Variants in STX3 observed in about 807,000 individuals in gnomAD.
The protein encoded by STX3 is syntaxin-3.
STX3 carries 19 observed loss-of-function variants against 40.2 expected under a neutral mutation model. The observed-to-expected ratio is 0.47, with a 90% CI of 0.33 to 0.69. The LOEUF (loss-of-function observed/expected upper bound fraction) is 0.69, where lower values mean the gene tolerates loss of function less well. Among genes scored for constraint, STX3 ranks in the 30% least tolerant of loss-of-function variants. The probability of loss-of-function intolerance (pLI) is 0.02; values close to 1 mark genes in which losing one functional copy is unlikely to be tolerated. For missense variants in STX3, 364 were observed against 366.7 expected, an observed-to-expected ratio of 0.99 and a Z score of 0.06; for synonymous variants, 122 against 132.2, an observed-to-expected ratio of 0.92 and a Z score of 0.53.
rs766704801 is a variant in STX3, at chr11:59,788,933, G to A, written c.275G>A (p.Arg92Gln). The A allele has an allele frequency of 1.2e-5, 20 of 1,609,584 alleles. No homozygotes were observed. Among genetic ancestry groups the A allele is most frequent in the Middle Eastern group, 1.6e-4 (1 of 6,078 alleles). The change falls in exon 4 of 11, where the codon CGG becomes CAG. Residue 92 changes from arginine to glutamine, a missense_variant. By Grantham distance (43) the Arg-to-Gln change is conservative. Transcript: ENST00000337979. ...ATTAAGAAAAGGGCCAACAACGTCC[G>A]GAACAAACTGAAGAGTAAGAAGGGA... ...TEIKKRANNV[R>Q]NKLKSMEKHI... is the part of the protein sequence containing the mutation.
chr11:59,790,428 A>C, intron 4 of STX3, 91 bp from the exon 5 acceptor site: 1 of 983,812 alleles, frequency 1.0e-6, no homozygotes, highest in South Asian at 1.3e-5. Flanking sequence ...CGTGGGCTGG[A>C]TGTGTGGGAA....
intron 4 of STX3, 104 bp from the exon 5 acceptor site, chr11:59,790,415 C>A: frequency 1.1e-6 from 1 of 872,418 alleles, no homozygotes; most frequent in South Asian, 1.4e-5. Context: ...CCTGTTACAT[C>A]TCCGTGGGCT....
intron 9 of STX3, 68 bp downstream of exon 9, chr11:59,795,550 C>T (rs867357637): frequency 6.4e-7 from 1 of 1,553,692 alleles, no homozygotes; most frequent in South Asian, 1.2e-5. Context: ...TCTTTCTCTT[C>T]CCTCTCCCTG....
intron 10 of STX3, chr11:59,800,520 GCCTGTCTTC>G: frequency 6.1e-6 from 6 of 985,422 alleles, no homozygotes; most frequent in Non-Finnish European, 7.2e-6. Context: ...AGCTCCTGCA[GCCTGTCTTC>G]AGGAGCGGTG....
chr11:59,785,161 A>G (rs2134984943), intron 2 of STX3, among the ~76,000 whole-genome samples: 1 of 152,188 alleles, frequency 6.6e-6, no homozygotes, highest in East Asian at 1.9e-4. Flanking sequence ...TGATATTATT[A>G]CATTGTAATT....
chr11:59,779,417 C>CG (rs1210031680), intron 2 of STX3, among the ~76,000 whole-genome samples: 1 of 152,180 alleles, frequency 6.6e-6, no homozygotes, highest in African/African-American at 2.4e-5. Context: ...TCCACCCTTA[C>CG]AACCTAAATG....
At chr11:59,769,956 G>A (rs188734379) in intron 1 of STX3, among the ~76,000 whole-genome samples, 266 of 150,426 alleles carry the variant, frequency 1.8e-3, no homozygotes, top group African/African-American at 5.7e-3. Context: ...TGTGGGTGTC[G>A]GTGTGTGGGA....
intron 9 of STX3, chr11:59,795,711 G>A: frequency 6.5e-7 from 1 of 1,536,444 alleles, no homozygotes; most frequent in African/African-American, 1.4e-5. Context: ...GAAGCCCGGA[G>A]GGTGAGCACC....
chr11:59,795,805 C>T, intron 9 of STX3: 1 of 1,110,552 alleles, frequency 9.0e-7, no homozygotes, highest in Non-Finnish European at 1.3e-6. Context: ...TGAGCCCATG[C>T]CTCCCTCCCT....
At chr11:59,795,523 T>C (rs1255072421) in intron 9 of STX3, 41 bp downstream of exon 9, 1 of 1,579,862 alleles carries the variant, frequency 6.3e-7, no homozygotes, top group Non-Finnish European at 8.6e-7. Flanking sequence ...GAGTCCATTT[T>C]GTTTGCTGTG....
intron 1 of STX3, among the ~76,000 whole-genome samples, chr11:59,765,208 G>T (rs1202775462): frequency 6.6e-6 from 1 of 152,158 alleles, no homozygotes; most frequent in Non-Finnish European, 1.5e-5. Flanking sequence ...CTCTGGGAGG[G>T]TTTCACTGGA....
chr11:59,778,833 T>TC (rs1207504420), intron 2 of STX3, among the ~76,000 whole-genome samples: 1 of 129,932 alleles, frequency 7.7e-6, no homozygotes, highest in African/African-American at 3.4e-5. Flanking sequence ...TTCTTTTCCT[T>TC]TTTTTTTTTT....
intron 10 of STX3, 30 bp from the exon 11 acceptor site, chr11:59,800,825 T>G: frequency 6.5e-7 from 1 of 1,536,454 alleles, no homozygotes; most frequent in Non-Finnish European, 8.7e-7. Context: ...TCCTGTGTAC[T>G]GATCAGCTCC....
intron 1 of STX3, among the ~76,000 whole-genome samples, chr11:59,765,122 T>C (rs1363086811): frequency 1.3e-5 from 2 of 152,170 alleles, no homozygotes; most frequent in East Asian, 3.8e-4. Flanking sequence ...GATATCATTA[T>C]CTGTCAATCT....
rs1043535134 is a variant in STX3, at chr11:59,792,286, G to A, written c.466+71G>A. 4 of 1,353,394 alleles carry A rather than the reference G, an allele frequency of 3.0e-6. No homozygotes were observed. In the African/African-American group the frequency reaches 5.7e-5, roughly 19 times the overall value. The allele number at this position is 1,353,394 out of a possible 1,614,324, so 83.8% of individuals were successfully genotyped here. A position where few individuals can be genotyped will look rare whatever the true frequency, so the allele number is the denominator to read the frequency against. On this transcript the variant is annotated intron_variant, in intron 6 of 10. Transcript: ENST00000337979. Reference sequence around the variant, plus strand: ...CTGGTTGTCCATCCCAAGTTTTGAGGCCCTGGTGGAGCAAGCAGGAAGCAC... The same window carrying A: ...CTGGTTGTCCATCCCAAGTTTTGAGACCCTGGTGGAGCAAGCAGGAAGCAC...
chr11:59,795,569 T>A, intron 9 of STX3, 87 bp downstream of exon 9: 1 of 1,547,938 alleles, frequency 6.5e-7, no homozygotes, highest in Middle Eastern at 1.7e-4. Context: ...TGTCTCTGTT[T>A]CTGCTGCCAC....
chr11:59,757,744 C>T (rs533939163), intron 1 of STX3, among the ~76,000 whole-genome samples: 49 of 149,224 alleles, frequency 3.3e-4, no homozygotes, highest in South Asian at 1.5e-3. Flanking sequence ...TGCTTCTTTG[C>T]GTCACTTCTC....
intron 1 of STX3, among the ~76,000 whole-genome samples, chr11:59,768,427 A>C (rs1447039217): frequency 6.6e-6 from 1 of 152,196 alleles, no homozygotes; most frequent in Non-Finnish European, 1.5e-5. Context: ...TTGTGGGAGA[A>C]ATGGGCCCTG....
chr11:59,790,988 T>C (rs957916748), intron 5 of STX3, among the ~76,000 whole-genome samples: 1 of 151,486 alleles, frequency 6.6e-6, no homozygotes, highest in South Asian at 2.1e-4. Context: ...TGAAGCGGCA[T>C]GGAAAGCTAT....
Sources: allele counts gnomAD v4.1 joint callset (sites outside exome capture counted in the v4.1 genomes callset), GRCh38; gene constraint gnomAD v4.1.1; transcripts MANE v1.5; gene names NCBI Gene and HGNC (gene_info 2026-07-23, HGNC 2026-07-21).